Variants in BMP5 observed in about 807,000 individuals in gnomAD.
BMP5 encodes bone morphogenetic protein 5.
A neutral mutation model predicts 46.6 loss-of-function variants in BMP5; 23 were observed. The ratio of observed to expected loss-of-function variants is 0.49; its 90% CI spans 0.35 to 0.70. The LOEUF is 0.70. Among genes scored for constraint, BMP5 ranks in the 30% least tolerant of loss-of-function variants. BMP5 has a pLI of 0.00. For missense variants in BMP5, 545 were observed against 565.6 expected, an observed-to-expected ratio of 0.96 and a Z score of 0.37; for synonymous variants, 204 against 191.9, an observed-to-expected ratio of 1.06 and a Z score of -0.52.
chr6:55,824,280 AG>A (rs1393435578), intron 1 of BMP5, among the ~76,000 whole-genome samples: 1 of 151,956 alleles, frequency 6.6e-6, no homozygotes, highest in East Asian at 1.9e-4. Context: ...GTAAATGAGA[AG>A]AAAAAAAAAC....
intron 1 of BMP5, among the ~76,000 whole-genome samples, chr6:55,859,443 A>T (rs1777479355): frequency 6.6e-6 from 1 of 152,252 alleles, no homozygotes; most frequent in East Asian, 1.9e-4. Context: ...TTATGCAAAT[A>T]TGACAATGAA....
rs112089647 is a variant in BMP5 at position 55,819,588 on chromosome 6, A to T, written c.683+67T>A. 140 of 1,293,024 alleles carry T rather than the reference A, an allele frequency of 1.1e-4. No individual in the cohort carries two copies. The African/African-American group carries it at 1.9e-3, about 18-fold the overall frequency. 80.1% of individuals were successfully genotyped at this position (1,293,024 alleles called of 1,614,324 possible). A position where few individuals can be genotyped will look rare whatever the true frequency, so the allele number is the denominator to read the frequency against. On this transcript the variant is annotated intron_variant, in intron 2 of 6. Transcript: ENST00000370830. ...ATTTGTTTGATAGATCACATGAGTT[A>T]TCAATGGCTTTTACTAAAATTTTAC...
intron 4 of BMP5, 63 bp from the exon 5 acceptor site, chr6:55,760,596 T>G (rs746202767): frequency 2.5e-5 from 35 of 1,397,038 alleles, no homozygotes; most frequent in Non-Finnish European, 3.4e-5. Context: ...ACTTCTTTTG[T>G]GAGATCACTG....
At chr6:55,770,889 C>T (rs998382296) in intron 4 of BMP5, among the ~76,000 whole-genome samples, 1 of 151,988 alleles carries the variant, frequency 6.6e-6, no homozygotes, top group South Asian at 2.1e-4. Flanking sequence ...ATTTACTTCC[C>T]ATCTTATATG....
At chr6:55,798,598 A>G (rs1775771773) in intron 2 of BMP5, among the ~76,000 whole-genome samples, 1 of 151,038 alleles carries the variant, frequency 6.6e-6, no homozygotes, top group Non-Finnish European at 1.5e-5. Context: ...TTAAATACAG[A>G]GTCAGGTTTA....
At chr6:55,793,777 C>T (rs1349678861) in intron 3 of BMP5, among the ~76,000 whole-genome samples, 3 of 152,122 alleles carry the variant, frequency 2.0e-5, no homozygotes, top group African/African-American at 7.2e-5. Flanking sequence ...ATCCCCATCT[C>T]CTCTCTCCCA....
chr6:55,774,179 T>C lies in BMP5; in HGVS notation c.897A>G (p.Pro299=). The C allele has an allele frequency of 6.8e-6, 11 of 1,613,158 alleles. No homozygotes were observed. Among genetic ancestry groups the C allele is most frequent in the Non-Finnish European group, 9.3e-6 (11 of 1,179,428 alleles). Residue 299 remains proline (P), a synonymous_variant, in exon 4 of 7, where the codon CCA becomes CCG. Transcript: ENST00000370830. ...TCGCCTTGAAGAAGGCCACCATGAATGGTTGTTTTGACTGAGGTCCCTGTC... is the reference window on the plus strand; with the variant it reads ...TCGCCTTGAAGAAGGCCACCATGAACGGTTGTTTTGACTGAGGTCCCTGTC... The part of the protein sequence containing the change: ...VGRQGPQSKQ[P]FMVAFFKASE...
At chr6:55,865,626 CATA>C (rs1339947677) in intron 1 of BMP5, among the ~76,000 whole-genome samples, 9 of 152,150 alleles carry the variant, frequency 5.9e-5, no homozygotes, top group African/African-American at 2.2e-4. Flanking sequence ...AAATTATGTG[CATA>C]ATGTTTCAGA....
chr6:55,823,745 T>C (rs537759928), intron 1 of BMP5, among the ~76,000 whole-genome samples: 2 of 152,130 alleles, frequency 1.3e-5, no homozygotes, highest in African/African-American at 4.8e-5. Flanking sequence ...CTTCCCTTTA[T>C]GATGCTCCCA....
In BMP5 at chr6:55,867,610, T is replaced by C. The variant is rs555800720; in HGVS notation, c.490+6766A>G. On this transcript the variant is annotated intron_variant, in intron 1 of 6. Coordinates refer to ENST00000370830, the MANE Select transcript of BMP5 (RefSeq NM_021073.4). ...GGACTAGCATCACGGGCAAGTGACC[T>C]GCGCAGTTGCACAGGGTCCCGGGCT... 1.2e-4 allele frequency among the ~76,000 whole-genome samples: 18 copies of C among 152,266 alleles called. No homozygotes were observed. The South Asian group carries it at 3.5e-3, about 30-fold the overall frequency.
chr6:55,760,607 G>A, intron 4 of BMP5, 74 bp from the exon 5 acceptor site: 2 of 1,339,216 alleles, frequency 1.5e-6, no homozygotes, highest in Admixed American at 1.8e-5. Flanking sequence ...GAGATCACTG[G>A]TAAGATTTTT....
intron 1 of BMP5, among the ~76,000 whole-genome samples, chr6:55,846,375 G>A (rs2127547597): frequency 6.6e-6 from 1 of 152,122 alleles, no homozygotes; most frequent in African/African-American, 2.4e-5. Context: ...ACACATGGTA[G>A]TTGTTCAGGA....
rs894935104 is a variant in BMP5, at chr6:55,754,976, G to A, written c.*557C>T. 1 of 152,302 alleles carries A rather than the reference G, an allele frequency of 6.6e-6. No homozygotes were observed. Among genetic ancestry groups the A allele is most frequent in the Non-Finnish European group, 1.5e-5 (1 of 68,236 alleles). 9.4% of individuals were successfully genotyped at this position (152,302 alleles called of 1,614,324 possible). A position where few individuals can be genotyped will look rare whatever the true frequency, so the allele number is the denominator to read the frequency against. ...TTCTGTGCAATCTTTCAGCTTCTAT[G>A]TTCTGCCTACCGTTTATTTATTCAA... On this transcript the variant is annotated 3_prime_UTR_variant, in exon 7 of 7. Coordinates refer to ENST00000370830, the MANE Select transcript of BMP5 (RefSeq NM_021073.4).
chr6:55,829,589 T>C (rs1481312128), intron 1 of BMP5, among the ~76,000 whole-genome samples: 2 of 151,904 alleles, frequency 1.3e-5, no homozygotes, highest in East Asian at 3.9e-4. Flanking sequence ...TTATTTTCAG[T>C]TTCACACTAC....
At chr6:55,780,299 T>G (rs975292609) in intron 3 of BMP5, among the ~76,000 whole-genome samples, 9 of 151,172 alleles carry the variant, frequency 6.0e-5, no homozygotes, top group African/African-American at 2.2e-4. Context: ...TGATATGAAC[T>G]ATGAGTTGAG....
intron 2 of BMP5, among the ~76,000 whole-genome samples, chr6:55,810,694 G>T (rs1776110577): frequency 6.6e-6 from 1 of 152,110 alleles, no homozygotes. Flanking sequence ...TTAGCTTATG[G>T]CACAAACTAT....
chr6:55,817,211 A>G (rs1776293871), intron 2 of BMP5, among the ~76,000 whole-genome samples: 1 of 152,202 alleles, frequency 6.6e-6, no homozygotes, highest in Non-Finnish European at 1.5e-5. Flanking sequence ...AAGGATCTAG[A>G]ACTAGAAATA....
chr6:55,851,339 ACAATGT>A (rs1777240150), intron 1 of BMP5, among the ~76,000 whole-genome samples: 1 of 152,106 alleles, frequency 6.6e-6, no homozygotes, highest in Non-Finnish European at 1.5e-5. Context: ...CAGTCCTATG[ACAATGT>A]CATGGAGTGA....
At chr6:55,818,313 A>T (rs949647177) in intron 2 of BMP5, among the ~76,000 whole-genome samples, 2 of 151,942 alleles carry the variant, frequency 1.3e-5, no homozygotes, top group African/African-American at 2.4e-5. Context: ...AACATAAGTG[A>T]TCTGATTATT....
Sources: allele counts gnomAD v4.1 joint callset (sites outside exome capture counted in the v4.1 genomes callset), GRCh38; gene constraint gnomAD v4.1.1; transcripts MANE v1.5; gene names NCBI Gene and HGNC (gene_info 2026-07-23, HGNC 2026-07-21).